PLCG2: variants seen among roughly 807,000 people sequenced by gnomAD.
The protein encoded by PLCG2 is phospholipase C gamma 2, also known as 1-phosphatidylinositol 4,5-bisphosphate phosphodiesterase gamma-2.
PLCG2 carries 69 observed loss-of-function variants against 175.6 expected under a neutral mutation model. That is an observed-to-expected ratio of 0.39 (90% CI 0.32 to 0.48). The LOEUF (loss-of-function observed/expected upper bound fraction) is 0.48, where lower values mean the gene tolerates loss of function less well. Among genes scored for constraint, PLCG2 ranks in the 20% least tolerant of loss-of-function variants. The probability of loss-of-function intolerance (pLI) is 0.91; values close to 1 mark genes in which losing one functional copy is unlikely to be tolerated. For missense variants in PLCG2, 1,798 were observed against 1,650.9 expected, an observed-to-expected ratio of 1.09 and a Z score of -1.54; for synonymous variants, 827 against 624.0, an observed-to-expected ratio of 1.33 and a Z score of -4.85.
At chr16:81,950,819 C>G (rs1911336735) in intron 31 of PLCG2, among the ~76,000 whole-genome samples, 1 of 152,148 alleles carries the variant, frequency 6.6e-6, no homozygotes. Flanking sequence ...AAGTGCTTGC[C>G]TTAAAACTTC....
chr16:81,922,732 A>C (rs867458712), intron 21 of PLCG2, among the ~76,000 whole-genome samples: 12 of 152,196 alleles, frequency 7.9e-5, no homozygotes, highest in African/African-American at 2.9e-4. Flanking sequence ...GAGGAGAAGG[A>C]AGCTGCTCAT....
At position 81,937,908 on chromosome 16, in the gene PLCG2, A is replaced by C. The variant is rs927939957; in HGVS notation, c.3198+5A>C. On this transcript the variant is annotated splice_donor_5th_base_variant and intron_variant, in intron 28 of 32. Coordinates refer to ENST00000564138, the MANE Select transcript of PLCG2 (RefSeq NM_002661.5). ...CTGATGACGCTGACAGTCAAGGTAA[A>C]GCCAGCCCTCCCTTCCTGCCAGGGG... The C allele has an allele frequency of 1.2e-6, 2 of 1,613,620 alleles. No individual in the cohort carries two copies. Among genetic ancestry groups the C allele is most frequent in the African/African-American group, 2.7e-5 (2 of 74,914 alleles).
intron 1 of PLCG2, among the ~76,000 whole-genome samples, chr16:81,783,685 C>G (rs895334232): frequency 1.3e-5 from 2 of 152,164 alleles, no homozygotes; most frequent in African/African-American, 4.8e-5. Context: ...GTGCTTGGCA[C>G]CTGGGGAAGG....
At chr16:81,780,320 C>T (rs1489875236) in intron 1 of PLCG2, among the ~76,000 whole-genome samples, 1 of 152,132 alleles carries the variant, frequency 6.6e-6, no homozygotes, top group Non-Finnish European at 1.5e-5. Flanking sequence ...AGGGCTGTGT[C>T]GAGAATTGGG....
intron 23 of PLCG2, 141 bp downstream of exon 23, chr16:81,927,319 GTGA>G: frequency 1.6e-6 from 1 of 633,178 alleles, no homozygotes. Context: ...GGAAGACACA[GTGA>G]TGATAGGGAA....
chr16:81,944,514 A>G (rs1325597439), intron 30 of PLCG2, among the ~76,000 whole-genome samples: 1 of 152,144 alleles, frequency 6.6e-6, no homozygotes, highest in Admixed American at 6.5e-5. Flanking sequence ...TGAGGCTGAA[A>G]TTCAGTGTTG....
intron 2 of PLCG2, chr16:81,843,009 C>T (rs1238070003): frequency 3.5e-5 from 5 of 144,474 alleles, no homozygotes; most frequent in African/African-American, 1.0e-4. Flanking sequence ...GTGGGGTGGA[C>T]CTGGGAAGAC....
intron 7 of PLCG2, among the ~76,000 whole-genome samples, chr16:81,874,323 C>G (rs1368796419): frequency 6.6e-6 from 1 of 152,130 alleles, no homozygotes; most frequent in Non-Finnish European, 1.5e-5. Context: ...CTTACCTGAC[C>G]CCAAAGAAGT....
intron 1 of PLCG2, among the ~76,000 whole-genome samples, chr16:81,741,332 C>A (rs966414439): frequency 1.3e-5 from 2 of 152,232 alleles, no homozygotes; most frequent in African/African-American, 4.8e-5. Context: ...CAAGCTCACA[C>A]AGCCAGGAAG....
At chr16:81,948,092 TAA>T (rs1911221315) in intron 31 of PLCG2, among the ~76,000 whole-genome samples, 6 of 152,212 alleles carry the variant, frequency 3.9e-5, no homozygotes, top group Admixed American at 1.3e-4. Context: ...ACTTTATAAA[TAA>T]TATAGGTCTT....
rs117952806 is a variant in PLCG2 at position 81,920,021 on chromosome 16, A to G, written c.2235+357A>G. Among the ~76,000 whole-genome samples the G allele has an allele frequency of 5.3e-5, 8 of 152,266 alleles. No individual in the cohort carries two copies. The East Asian group carries it at 1.5e-3, about 29-fold the overall frequency. On this transcript the variant is annotated intron_variant, in intron 20 of 32. Transcript: ENST00000564138. Reference sequence around the variant, plus strand: ...CTGAAAAGGAATGAGCCATGTGGGTATGTTCTGGAGGAAGAGAGGATAGCA... The same window carrying G: ...CTGAAAAGGAATGAGCCATGTGGGTGTGTTCTGGAGGAAGAGAGGATAGCA...
chr16:81,775,375 C>T (rs758489716), upstream of PLCG2, among the ~76,000 whole-genome samples: 3 of 152,144 alleles, frequency 2.0e-5, no homozygotes, highest in African/African-American at 4.8e-5. Flanking sequence ...CAGCCCACAG[C>T]CATAAAACTA....
chr16:81,908,661 G>T (rs1909485625), intron 17 of PLCG2, 70 bp downstream of exon 17: 22 of 1,391,288 alleles, frequency 1.6e-5, no homozygotes, highest in Non-Finnish European at 2.2e-5. Flanking sequence ...GTGGCGAGTG[G>T]TTCTAGCTCA....
At chr16:81,933,814 G>T (rs564266589) in intron 25 of PLCG2, among the ~76,000 whole-genome samples, 17 of 152,316 alleles carry the variant, frequency 1.1e-4, no homozygotes, top group African/African-American at 3.8e-4. Flanking sequence ...GGCCCAACAG[G>T]GTTGCCTGCT....
Position 81,760,756 on chromosome 16 carries a change from A to AAAT in PLCG2, c.-48+4792_-48+4793insTAA, listed in dbSNP as rs60944347. On this transcript the variant is annotated intron_variant, in intron 2 of 5. Transcript: ENST00000565054. The stretch of plus-strand genomic sequence containing the variant: ...TGAGACCCCGTCTCTATTAAAAAAA[A>AAAT]AAATAATAATAATAATAATAATAAT... Among the ~76,000 whole-genome samples the AAAT allele has an allele frequency of 1.9e-3, 159 of 84,536 alleles. 1 individual carries two copies. The highest frequency in any genetic ancestry group is 4.6e-3 in the African/African-American group (139 of 30,112). The allele number at this position is 84,536 out of a possible 152,430, so 55.5% of individuals were successfully genotyped here.
rs1555509092 is a variant in PLCG2, at chr16:81,816,651, A to ACTTTTTTTTTTTTTTTTTTTTTTTTTTT, written c.193+30469_193+30470insCTTTTTTTTTTTTTTTTTTTTTTTTTTT. ...GCACCACCATGCCCAGCTAATTTTAATTTTTTTTTTTTTTTTTTTTTTTTT... is the reference window on the plus strand; with the variant it reads ...GCACCACCATGCCCAGCTAATTTTAACTTTTTTTTTTTTTTTTTTTTTTTTTTTTTTTTTTTTTTTTTTTTTTTTTTTT... On this transcript the variant is annotated intron_variant, in intron 2 of 32. Coordinates refer to ENST00000564138, the MANE Select transcript of PLCG2 (RefSeq NM_002661.5). 5.5e-5 allele frequency among the ~76,000 whole-genome samples: 6 copies of ACTTTTTTTTTTTTTTTTTTTTTTTTTTT among 108,858 alleles called. 3 individuals are homozygous for ACTTTTTTTTTTTTTTTTTTTTTTTTTTT. Among genetic ancestry groups the ACTTTTTTTTTTTTTTTTTTTTTTTTTTT allele is most frequent in the African/African-American group, 1.5e-4 (4 of 26,478 alleles). 71.4% of individuals were successfully genotyped at this position (108,858 alleles called of 152,430 possible).
At chr16:81,784,701 A>C (rs998841718) in intron 1 of PLCG2, among the ~76,000 whole-genome samples, 2 of 152,186 alleles carry the variant, frequency 1.3e-5, no homozygotes, top group African/African-American at 4.8e-5. Flanking sequence ...CCTGAGATAC[A>C]TTATCTTGTT....
At chr16:81,845,830 A>G (rs1906087500) in intron 2 of PLCG2, among the ~76,000 whole-genome samples, 2 of 151,964 alleles carry the variant, frequency 1.3e-5, no homozygotes, top group Non-Finnish European at 2.9e-5. Flanking sequence ...CAGATAGAAA[A>G]CCCTGGAGAG....
At position 81,921,747 on chromosome 16, in the gene PLCG2, G is replaced by A. The variant is rs74032925; in HGVS notation, c.2307+478G>A. On this transcript the variant is annotated intron_variant, in intron 21 of 32. Transcript: ENST00000564138. ...TTTCATCTCAAATTTAGTTTGAGCC[G>A]GCAGAGGAAGAACCACAGCGAATTT... The A allele has an allele frequency of 5.4e-3, 1,294 of 239,980 alleles. 16 individuals are homozygous for A. The highest frequency in any genetic ancestry group is 0.028 in the African/African-American group (1,208 of 43,132). 14.9% of individuals were successfully genotyped at this position (239,980 alleles called of 1,614,324 possible). A position where few individuals can be genotyped will look rare whatever the true frequency, so the allele number is the denominator to read the frequency against.
Sources: gnomAD v4.1 joint callset for allele counts (sites outside exome capture counted in the v4.1 genomes callset) on GRCh38, gnomAD v4.1.1 for gene constraint, MANE v1.5 for transcripts, NCBI Gene and HGNC (gene_info 2026-07-23, HGNC 2026-07-21) for gene names.